The following ARHGAP44 variants were observed in gnomAD, a reference collection of about 807,000 sequenced individuals.
ARHGAP44 encodes rho GTPase-activating protein 44.
Under a neutral mutation model 106.8 loss-of-function variants are expected in ARHGAP44, and 43 were observed. That is an observed-to-expected ratio of 0.40 (90% CI 0.32 to 0.52). ARHGAP44 has a LOEUF of 0.52. Ranked by LOEUF, ARHGAP44 falls within the 20% of genes least tolerant of loss-of-function variation. The pLI, the probability that ARHGAP44 is intolerant of heterozygous loss-of-function variation, is 0.48. For synonymous variants in ARHGAP44, 439 were observed against 410.3 expected (o/e 1.07, Z -0.85); for missense variants, 866 against 1,050.5 (o/e 0.82, Z 2.43).
chr17:12,860,041 C>A (rs2036023449), intron 1 of ARHGAP44, among the ~76,000 whole-genome samples: 1 of 152,112 alleles, frequency 6.6e-6, no homozygotes, highest in South Asian at 2.1e-4. Context: ...AGCAGAAAAG[C>A]AGACTCCTGG....
intron 1 of ARHGAP44, among the ~76,000 whole-genome samples, chr17:12,853,913 C>G (rs1164879012): frequency 1.3e-5 from 2 of 152,268 alleles, no homozygotes; most frequent in East Asian, 3.9e-4. Context: ...GCCTCTTGTC[C>G]CAATTCCCCA....
Position 12,789,900 on chromosome 17 carries a change from C to T in ARHGAP44, c.53+9C>T. 2 of 1,517,112 alleles carry T rather than the reference C, an allele frequency of 1.3e-6. No individual in the cohort carries two copies. Among genetic ancestry groups the T allele is most frequent in the South Asian group, 1.2e-5 (1 of 80,504 alleles). 94.0% of individuals were successfully genotyped at this position (1,517,112 alleles called of 1,614,324 possible). On this transcript the variant is annotated intron_variant, in intron 1 of 20. Transcript: ENST00000379672. The stretch of plus-strand genomic sequence containing the variant: ...AACCAGACGGTGGGCAGGTAGGTCA[C>T]CCGCGGGCACCGCTGTCGGTGCGCG...
Position 12,973,526 on chromosome 17 carries a change from G to A in ARHGAP44, c.1541+207G>A, listed in dbSNP as rs1223937999. ...AGCCCCTTCCCTGCTGTGTAGACAAGTGGGAGTGGCCTGCAGAGGTGTGCC... is the reference window on the plus strand; with the variant it reads ...AGCCCCTTCCCTGCTGTGTAGACAAATGGGAGTGGCCTGCAGAGGTGTGCC... On this transcript the variant is annotated intron_variant, in intron 17 of 20. Transcript: ENST00000379672. The A allele has an allele frequency of 1.5e-5, 9 of 603,420 alleles. No homozygotes were observed. In the Admixed American group the frequency reaches 2.7e-4, roughly 18 times the overall value. 37.4% of individuals were successfully genotyped at this position (603,420 alleles called of 1,614,324 possible).
chr17:12,852,198 A>T (rs2035767246), intron 1 of ARHGAP44, among the ~76,000 whole-genome samples: 1 of 135,042 alleles, frequency 7.4e-6, no homozygotes, highest in Non-Finnish European at 1.6e-5. Context: ...AGGCAAAACG[A>T]TAGGGAGGGT....
chr17:12,979,878 A>G (rs1227631640), intron 18 of ARHGAP44, among the ~76,000 whole-genome samples, 180 bp from the exon 19 acceptor site: 2 of 152,158 alleles, frequency 1.3e-5, no homozygotes, highest in Non-Finnish European at 2.9e-5. Context: ...TCAGAGCTCC[A>G]GGAAGGGCAG....
At chr17:12,801,757 A>T (rs530438104) in intron 1 of ARHGAP44, among the ~76,000 whole-genome samples, 1 of 152,318 alleles carries the variant, frequency 6.6e-6, no homozygotes, top group Admixed American at 6.5e-5. Context: ...GTCTGGAAGG[A>T]AATCAGGAAA....
intron 1 of ARHGAP44, among the ~76,000 whole-genome samples, chr17:12,890,440 G>C (rs1363537840): frequency 6.6e-6 from 1 of 152,194 alleles, no homozygotes; most frequent in South Asian, 2.1e-4. Flanking sequence ...CTACACTTGG[G>C]GTTACTTGAG....
intron 13 of ARHGAP44, 97 bp from the exon 14 acceptor site, chr17:12,955,770 T>C (rs965110734): frequency 1.4e-6 from 1 of 689,786 alleles, no homozygotes; most frequent in Non-Finnish European, 2.5e-6. Flanking sequence ...TCCTAGTCAG[T>C]GAGATATGTG....
intron 1 of ARHGAP44, among the ~76,000 whole-genome samples, chr17:12,832,871 G>T (rs1460475133): frequency 6.6e-6 from 1 of 152,226 alleles, no homozygotes; most frequent in African/African-American, 2.4e-5. Flanking sequence ...GATTGTCCAT[G>T]GTTGGTTTCT....
intron 1 of ARHGAP44, among the ~76,000 whole-genome samples, chr17:12,861,644 CTTTT>C (rs71144930): frequency 1.5e-5 from 1 of 67,754 alleles, no homozygotes; most frequent in African/African-American, 4.9e-5. Context: ...TCCTCTTCCA[CTTTT>C]TTTTTTTTTT....
At chr17:12,873,860 C>T (rs964329558) in intron 1 of ARHGAP44, among the ~76,000 whole-genome samples, 4 of 151,984 alleles carry the variant, frequency 2.6e-5, no homozygotes, top group South Asian at 2.1e-4. Context: ...GCCGAGATCA[C>T]GCCATTGCAC....
At chr17:12,938,612 T>G (rs1400371835) in intron 7 of ARHGAP44, among the ~76,000 whole-genome samples, 1 of 149,768 alleles carries the variant, frequency 6.7e-6, no homozygotes, top group African/African-American at 2.4e-5. Flanking sequence ...AACAGCTGCC[T>G]GGTGGGATTA....
intron 1 of ARHGAP44, among the ~76,000 whole-genome samples, chr17:12,813,732 C>T (rs572626318): frequency 6.6e-6 from 1 of 152,220 alleles, no homozygotes; most frequent in South Asian, 2.1e-4. Context: ...GATTCTGATA[C>T]ACTCTCCTTG....
chr17:12,944,065 T>C lies in ARHGAP44; in HGVS notation c.734-4T>C. ...GACTGACTCTTTCTCACTCCTCCCC[T>C]CAGAGGCCTGGGTAGAGAAGCCTTC... On this transcript the variant is annotated splice_region_variant and splice_polypyrimidine_tract_variant and intron_variant, in intron 9 of 20. Transcript: ENST00000379672. The C allele has an allele frequency of 6.2e-7, 1 of 1,605,504 alleles. No individual in the cohort carries two copies. Among genetic ancestry groups the C allele is most frequent in the Non-Finnish European group, 8.5e-7 (1 of 1,174,772 alleles).
chr17:12,989,340 T>G (rs2040050593), intron 20 of ARHGAP44, among the ~76,000 whole-genome samples: 2 of 152,152 alleles, frequency 1.3e-5, no homozygotes, highest in Non-Finnish European at 2.9e-5. Context: ...TCTAAGGACT[T>G]CTGTCGTCTT....
chr17:12,903,116 GA>G (rs1268716059), intron 3 of ARHGAP44, among the ~76,000 whole-genome samples: 1,248 of 72,586 alleles, frequency 0.017, 5 homozygotes, highest in African/African-American at 0.028. Context: ...GAGAGAGAGA[GA>G]GAGAGAGAGG....
In ARHGAP44 at chr17:12,804,120, G is replaced by A. The variant is rs72813123; in HGVS notation, c.53+14229G>A. 4.3e-3 allele frequency among the ~76,000 whole-genome samples: 656 copies of A among 152,190 alleles called. 4 individuals are homozygous for A. Among genetic ancestry groups the A allele is most frequent in the Non-Finnish European group, 7.8e-3 (529 of 68,014 alleles). ...TTCGCTTTGCCTTCATCTGTGTCTT[G>A]GCTTGTTTCCCTGTCAAAATACAGG... On this transcript the variant is annotated intron_variant, in intron 1 of 20. Transcript: ENST00000379672.
chr17:12,903,586 T>C (rs2037459232), intron 3 of ARHGAP44, among the ~76,000 whole-genome samples: 1 of 152,188 alleles, frequency 6.6e-6, no homozygotes, highest in Non-Finnish European at 1.5e-5. Flanking sequence ...TGGATATCCT[T>C]TTAAAAAATT....
Position 12,984,740 on chromosome 17 carries a change from T to C in ARHGAP44, c.2149T>C (p.Ser717Pro), listed in dbSNP as rs765767257. 5 of 1,613,784 alleles carry C rather than the reference T, an allele frequency of 3.1e-6. No homozygotes were observed. The Admixed American group carries it at 5.0e-5, about 16-fold the overall frequency. Residue 717 changes from serine to proline, a missense_variant, in exon 20 of 21, where the codon TCT (serine) becomes CCT (proline). Transcript: ENST00000379672. The part of the protein sequence containing the change: ...PAAAPPLASP[S>P]VFTSTLSKSR... The stretch of plus-strand genomic sequence containing the variant: ...TGCAGCTCCTCCCCTGGCCTCTCCT[T>C]CTGTCTTTACAAGCACTTTGAGCAA...
Sources: gnomAD v4.1 joint callset for allele counts (sites outside exome capture counted in the v4.1 genomes callset) on GRCh38, gnomAD v4.1.1 for gene constraint, MANE v1.5 for transcripts, NCBI Gene and HGNC (gene_info 2026-07-23, HGNC 2026-07-21) for gene names.